The following MBTPS1 variants were observed in gnomAD, a reference collection of about 807,000 sequenced individuals.
MBTPS1 encodes membrane-bound transcription factor site-1 protease.
Under a neutral mutation model 127.8 loss-of-function variants are expected in MBTPS1, and 94 were observed. The observed-to-expected ratio is 0.74, with a 90% CI of 0.62 to 0.87. The LOEUF (loss-of-function observed/expected upper bound fraction) is 0.87, where lower values mean the gene tolerates loss of function less well. Among genes scored for constraint, MBTPS1 ranks in the 40% least tolerant of loss-of-function variants. The probability of loss-of-function intolerance (pLI) is 0.00; values close to 1 mark genes in which losing one functional copy is unlikely to be tolerated. For synonymous variants in MBTPS1, 632 were observed against 509.4 expected, an observed-to-expected ratio of 1.24 and a Z score of -3.24; for missense variants, 1,636 against 1,353.2, an observed-to-expected ratio of 1.21 and a Z score of -3.28.
At chr16:84,077,576 A>G (rs948237489) in intron 11 of MBTPS1, among the ~76,000 whole-genome samples, 1 of 152,224 alleles carries the variant, frequency 6.6e-6, no homozygotes, top group Middle Eastern at 3.2e-3. Flanking sequence ...ACCTCCAAAC[A>G]ATACACAAAA....
chr16:84,060,588 C>T lies in MBTPS1; in HGVS notation c.2704+94G>A, dbSNP rs755692237. ...CCACTCAGCGGCGCACACAAACTGG[C>T]CCCACTTGCTGGCAGGCACAGCCAC... On this transcript the variant is annotated intron_variant, in intron 20 of 22. Coordinates refer to ENST00000343411, the MANE Select transcript of MBTPS1 (RefSeq NM_003791.4). 4.3e-5 allele frequency: 62 copies of T among 1,434,484 alleles called. 1 individual carries two copies. The highest frequency in any genetic ancestry group is 5.4e-5 in the Non-Finnish European group (57 of 1,047,918). The allele number at this position is 1,434,484 out of a possible 1,614,324, so 88.9% of individuals were successfully genotyped here. A position where few individuals can be genotyped will look rare whatever the true frequency, so the allele number is the denominator to read the frequency against.
intron 13 of MBTPS1, among the ~76,000 whole-genome samples, chr16:84,070,369 G>T (rs531630162): frequency 1.8e-4 from 27 of 152,288 alleles, no homozygotes; most frequent in African/African-American, 6.3e-4. Context: ...CTCTGCTGTT[G>T]TGTGGCCACA....
At chr16:84,063,276 G>C (rs369701756) in intron 19 of MBTPS1, 29 bp downstream of exon 19, 1 of 1,591,628 alleles carries the variant, frequency 6.3e-7, no homozygotes, top group Non-Finnish European at 8.6e-7. Context: ...GAGTGCCGAA[G>C]TCACAAAGTC....
At chr16:84,097,868 G>GTGTGTT (rs2086199205) in intron 3 of MBTPS1, among the ~76,000 whole-genome samples, 1 of 151,114 alleles carries the variant, frequency 6.6e-6, no homozygotes, top group Non-Finnish European at 1.5e-5. Flanking sequence ...GTGTGTGTGT[G>GTGTGTT]TGTTTGTGTG....
intron 17 of MBTPS1, 22 bp downstream of exon 17, chr16:84,066,467 C>T (rs766853611): frequency 2.5e-6 from 4 of 1,612,270 alleles, no homozygotes; most frequent in African/African-American, 2.7e-5. Context: ...TAAGACCACG[C>T]CCTCAGGAAA....
chr16:84,055,146 G>T (rs886423124), intron 22 of MBTPS1, among the ~76,000 whole-genome samples: 1 of 152,238 alleles, frequency 6.6e-6, no homozygotes, highest in Non-Finnish European at 1.5e-5. Flanking sequence ...TGAAAGCCAG[G>T]AGAGGCCATC....
chr16:84,105,933 G>A (rs776118036), intron 1 of MBTPS1, among the ~76,000 whole-genome samples: 3 of 152,142 alleles, frequency 2.0e-5, no homozygotes, highest in Non-Finnish European at 2.9e-5. Flanking sequence ...CCAGTGCAGG[G>A]AGACAGACCG....
intron 14 of MBTPS1, 141 bp downstream of exon 14, chr16:84,069,725 A>G: frequency 1.3e-6 from 1 of 785,806 alleles, no homozygotes. Flanking sequence ...AGTGCATGGC[A>G]AAAGCCTGAA....
chr16:84,090,253 G>C (rs2086085100), intron 8 of MBTPS1, among the ~76,000 whole-genome samples: 1 of 152,326 alleles, frequency 6.6e-6, no homozygotes. Context: ...CCTCTAACCA[G>C]ACAGGAGCGT....
At chr16:84,069,782 A>G (rs2085743084) in intron 14 of MBTPS1, 84 bp downstream of exon 14, 36 of 1,291,338 alleles carry the variant, frequency 2.8e-5, no homozygotes, top group Non-Finnish European at 3.9e-5. Flanking sequence ...GCTGAGCAAC[A>G]TCTTTCCAAG....
intron 1 of MBTPS1, among the ~76,000 whole-genome samples, chr16:84,104,127 C>T (rs557492595): frequency 1.3e-5 from 2 of 151,920 alleles, no homozygotes; most frequent in East Asian, 1.9e-4. Context: ...GACTACTGGC[C>T]GAAGAAGATA....
rs771056877 is a variant in MBTPS1, at chr16:84,063,464, A to T, written c.2432-19T>A. 7.0e-5 allele frequency: 112 copies of T among 1,610,218 alleles called. 1 individual carries two copies. In the South Asian group the frequency reaches 9.8e-4, roughly 14 times the overall value. ...TCCAATCCTGAAACAACACAACAAA[A>T]AACAACAGCCATGAGAGTTTCCACT... On this transcript the variant is annotated intron_variant, in intron 18 of 22. Coordinates refer to ENST00000343411, the MANE Select transcript of MBTPS1 (RefSeq NM_003791.4).
intron 12 of MBTPS1, among the ~76,000 whole-genome samples, chr16:84,074,362 G>A (rs566883507): frequency 6.6e-6 from 1 of 152,022 alleles, no homozygotes; most frequent in South Asian, 2.1e-4. Flanking sequence ...AGCCTCCTGT[G>A]TATCTGGGAC....
At chr16:84,073,916 G>A (rs547042616) in intron 12 of MBTPS1, among the ~76,000 whole-genome samples, 1 of 152,154 alleles carries the variant, frequency 6.6e-6, no homozygotes, top group African/African-American at 2.4e-5. Context: ...TGAGCCAGTA[G>A]AATCGCTTGA....
At chr16:84,086,222 T>C (rs1403031514) in intron 9 of MBTPS1, 1 of 152,260 alleles carries the variant, frequency 6.6e-6, no homozygotes, top group Non-Finnish European at 1.5e-5. Context: ...TGGCTGGTGA[T>C]GAAGGCCATG....
At chr16:84,087,725 G>A (rs2086051260) in intron 8 of MBTPS1, among the ~76,000 whole-genome samples, 1 of 151,960 alleles carries the variant, frequency 6.6e-6, no homozygotes, top group South Asian at 2.1e-4. Context: ...GGCACACTGG[G>A]GCTCAAGGCT....
intron 6 of MBTPS1, among the ~76,000 whole-genome samples, 193 bp downstream of exon 6, chr16:84,092,995 C>A (rs373659146): frequency 4.6e-5 from 7 of 152,142 alleles, no homozygotes; most frequent in Admixed American, 1.3e-4. Flanking sequence ...TAGGTCGACA[C>A]AGTGGTTGGT....
intron 11 of MBTPS1, among the ~76,000 whole-genome samples, chr16:84,076,180 T>C (rs1273397136): frequency 3.9e-5 from 6 of 152,204 alleles, no homozygotes; most frequent in Admixed American, 1.3e-4. Flanking sequence ...AGTATTCATA[T>C]GATTACCTTT....
At position 84,056,038 on chromosome 16, in the gene MBTPS1, G is replaced by C. The variant is rs534207727; in HGVS notation, c.2929C>G (p.Pro977Ala). 3 of 1,613,928 alleles carry C rather than the reference G, an allele frequency of 1.9e-6. No individual in the cohort carries two copies. In the African/African-American group the frequency reaches 4.0e-5, roughly 22 times the overall value. ...SNRPQVRPLS[P>A]GESGAWDIPG... ...ATGTCCCAGGCGCCGCTCTCTCCAG[G>C]GGACAAGGGCCTCACTTGAGGGCGA... The change falls in exon 22 of 23, where the codon CCT becomes GCT. Residue 977 changes from proline (P) to alanine (A), a missense_variant. Coordinates refer to ENST00000343411, the MANE Select transcript of MBTPS1 (RefSeq NM_003791.4).
Sources: allele counts gnomAD v4.1 joint callset (sites outside exome capture counted in the v4.1 genomes callset), GRCh38; gene constraint gnomAD v4.1.1; transcripts MANE v1.5; gene names NCBI Gene and HGNC (gene_info 2026-07-23, HGNC 2026-07-21).